ACOT11: variants seen among roughly 807,000 people sequenced by gnomAD.
ACOT11 encodes acyl-CoA thioesterase 11.
A neutral mutation model predicts 77.5 loss-of-function variants in ACOT11; 69 were observed. The observed-to-expected ratio is 0.89, with a 90% confidence interval of 0.73 to 1.09. The LOEUF (loss-of-function observed/expected upper bound fraction) is 1.09, where lower values mean the gene tolerates loss of function less well. ACOT11 is among the 50% of genes least tolerant of loss of function. The pLI is 0.00. For missense variants in ACOT11, 766 were observed against 813.7 expected (o/e 0.94, Z 0.71); for synonymous variants, 279 against 313.0 (o/e 0.89, Z 1.15).
At chr1:54,614,812 C>G (rs762418859), downstream of ACOT11, 3 of 1,614,038 alleles carry the variant, frequency 1.9e-6, no homozygotes, top group South Asian at 3.3e-5. Flanking sequence ...CGCAGGAGGT[C>G]CAGGGAGGGG....
At chr1:54,633,492 C>G (rs889385575) in intron 16 of ACOT11, among the ~76,000 whole-genome samples, 1 of 152,210 alleles carries the variant, frequency 6.6e-6, no homozygotes, top group Admixed American at 6.5e-5. Flanking sequence ...TGTTTCTTTA[C>G]TATACCTTTA....
At chr1:54,616,188 C>A (rs1427343515) in intron 15 of ACOT11, 5 of 1,597,304 alleles carry the variant, frequency 3.1e-6, no homozygotes, top group Non-Finnish European at 4.3e-6. Context: ...GAAGGGGCAA[C>A]AACTCAGTGA....
chr1:54,597,610 A>G (rs1254633706), intron 7 of ACOT11, 195 bp downstream of exon 7: 2 of 703,418 alleles, frequency 2.8e-6, no homozygotes, highest in African/African-American at 3.6e-5. Flanking sequence ...CATCTTTTAC[A>G]TGGGAAACAC....
chr1:54,590,377 G>A (rs1251967796), intron 3 of ACOT11, among the ~76,000 whole-genome samples: 17 of 152,162 alleles, frequency 1.1e-4, no homozygotes, highest in Admixed American at 1.1e-3. Flanking sequence ...AGGGTGTCCG[G>A]GAGCTCCGGG....
chr1:54,589,616 A>G (rs114919289), intron 3 of ACOT11, among the ~76,000 whole-genome samples: 1 of 151,990 alleles, frequency 6.6e-6, no homozygotes. Context: ...GACTACAGAC[A>G]TGTGGCACCA....
intron 3 of ACOT11, among the ~76,000 whole-genome samples, chr1:54,589,165 G>A (rs572719710): frequency 2.6e-5 from 4 of 151,924 alleles, no homozygotes; most frequent in African/African-American, 7.2e-5. Context: ...TACAGGTGCC[G>A]GCAACCAAGC....
Position 54,605,207 on chromosome 1 carries a change from C to T in ACOT11, c.1368C>T (p.Tyr456=). The change falls in exon 13 of 16, where the codon TAC becomes TAT. Residue 456 remains tyrosine (Y), a splice_region_variant and synonymous_variant. Coordinates refer to ENST00000343744, the MANE Select transcript of ACOT11 (RefSeq NM_147161.4). ...AGAGGCCAGAGTGGGACAAGCACTA[C>T]CGGTGAGGGGCCAGGGTGAGGGCAG... The part of the protein sequence containing the change: ...LRQRPEWDKH[Y]RSVELVQQVD... 3.7e-6 allele frequency: 6 copies of T among 1,612,868 alleles called. No homozygotes were observed. The highest frequency in any genetic ancestry group is 5.1e-6 in the Non-Finnish European group (6 of 1,179,952).
In ACOT11 at chr1:54,609,768, C is replaced by T. The variant is rs1553165260; in HGVS notation, c.*656C>T. 2 of 1,614,188 alleles carry T rather than the reference C, an allele frequency of 1.2e-6. No homozygotes were observed. Among genetic ancestry groups the T allele is most frequent in the Admixed American group, 1.7e-5 (1 of 60,032 alleles). Reference sequence around the variant, plus strand: ...AGCAAGGCCAGGGATGGCCGGAGGGCTGCGGGCTCCGCTATTTGCAAATGG... The same window carrying T: ...AGCAAGGCCAGGGATGGCCGGAGGGTTGCGGGCTCCGCTATTTGCAAATGG... On this transcript the variant is annotated 3_prime_UTR_variant, in exon 16 of 16. Coordinates refer to ENST00000343744, the MANE Select transcript of ACOT11 (RefSeq NM_147161.4).
chr1:54,614,976 CAG>C (rs199553837), downstream of ACOT11: 6,598 of 934,524 alleles, frequency 7.1e-3, 258 homozygotes, highest in African/African-American at 0.09. Flanking sequence ...ACAGTGGAGT[CAG>C]GGGAGGGCGG....
chr1:54,607,848 G>C lies in ACOT11; in HGVS notation c.1503-94G>C. 6.6e-7 allele frequency: 1 copy of C among 1,522,080 alleles called. No homozygotes were observed. The highest frequency in any genetic ancestry group is 9.0e-7 in the Non-Finnish European group (1 of 1,114,100). 94.3% of individuals were successfully genotyped at this position (1,522,080 alleles called of 1,614,324 possible). A position where few individuals can be genotyped will look rare whatever the true frequency, so the allele number is the denominator to read the frequency against. On this transcript the variant is annotated intron_variant, in intron 14 of 15. Coordinates refer to ENST00000343744, the MANE Select transcript of ACOT11 (RefSeq NM_147161.4). This position sits in a 1 kb window ranked among gnomAD's most constrained non-coding sequence, Gnocchi z 4.5. ...TCCCCCTGGTGAGGAATCTGTGCTA[G>C]AGGGGGCAGGGTCTCGGCCTTGGTT... is the stretch of plus-strand genomic sequence containing the variant.
chr1:54,612,686 C>T, downstream of ACOT11: 1 of 1,613,892 alleles, frequency 6.2e-7, no homozygotes, highest in African/African-American at 1.3e-5. Flanking sequence ...CCTTGGGATA[C>T]TTCTCCTGGA....
At chr1:54,596,928 C>T (rs145194080) in intron 6 of ACOT11, among the ~76,000 whole-genome samples, 78 of 152,336 alleles carry the variant, frequency 5.1e-4, no homozygotes, top group African/African-American at 1.8e-3. Context: ...ACAGTCCTAT[C>T]GGGTCGGATT....
At chr1:54,592,648 G>A in intron 4 of ACOT11, 42 bp downstream of exon 4, 5 of 1,600,476 alleles carry the variant, frequency 3.1e-6, no homozygotes, top group Non-Finnish European at 4.3e-6. Context: ...TGCGTGGGTG[G>A]GTCCTCTACC....
chr1:54,553,454 C>A (rs11811116), intron 1 of ACOT11, among the ~76,000 whole-genome samples: 40,419 of 149,992 alleles, frequency 0.27, 5,657 homozygotes, highest in African/African-American at 0.3. Context: ...GGTGACCGAA[C>A]AAGACTCTGT....
chr1:54,576,496 A>T (rs956359850), intron 1 of ACOT11, among the ~76,000 whole-genome samples: 3 of 151,078 alleles, frequency 2.0e-5, no homozygotes, highest in African/African-American at 7.3e-5. Context: ...AGATCTAAAA[A>T]AAAAAAAAAA....
intron 15 of ACOT11, chr1:54,623,264 G>T (rs1385581680): frequency 3.1e-6 from 5 of 1,592,592 alleles, no homozygotes; most frequent in African/African-American, 1.3e-5. Flanking sequence ...GATGACATGG[G>T]GGGAGGCACC....
At chr1:54,620,845 CA>C (rs767625864) in intron 15 of ACOT11, among the ~76,000 whole-genome samples, 352 of 12,104 alleles carry the variant, frequency 0.029, no homozygotes, top group African/African-American at 0.081. Context: ...GAGACTCTGT[CA>C]AAAAAAAAAA....
At chr1:54,636,129 T>A (rs1056216855) in exon 17 of ACOT11, 1 of 152,216 alleles carries the variant, frequency 6.6e-6, no homozygotes, top group Non-Finnish European at 1.5e-5. Flanking sequence ...AATGAAGGGG[T>A]GGGTTGCCCC....
chr1:54,602,446 G>T (rs1221178606), intron 9 of ACOT11, among the ~76,000 whole-genome samples: 1 of 152,234 alleles, frequency 6.6e-6, no homozygotes, highest in African/African-American at 2.4e-5. Flanking sequence ...ACTGAGGTCT[G>T]GCCAGGGGAG....
Sources: allele counts gnomAD v4.1 joint callset (sites outside exome capture counted in the v4.1 genomes callset), GRCh38; gene constraint gnomAD v4.1.1; non-coding constraint Gnocchi (gnomAD v3.1); transcripts MANE v1.5; gene names NCBI Gene and HGNC (gene_info 2026-07-23, HGNC 2026-07-21).